Variants in ROBO2 observed in about 807,000 individuals in gnomAD.
ROBO2 encodes roundabout homolog 2.
A neutral mutation model predicts 160.8 loss-of-function variants in ROBO2; 53 were observed. That is an observed-to-expected ratio of 0.33 (90% confidence interval 0.26 to 0.41). The LOEUF is 0.41. Among genes scored for constraint, ROBO2 ranks in the 10% least tolerant of loss-of-function variants. ROBO2 has a pLI of 1.00. For missense variants in ROBO2, 1,577 were observed against 1,722.4 expected (o/e 0.92, Z 1.49); for synonymous variants, 664 against 611.7 (o/e 1.09, Z -1.26).
chr3:75,919,697 A>G (rs941662690), intron 1 of ROBO2, among the ~76,000 whole-genome samples: 5 of 152,172 alleles, frequency 3.3e-5, no homozygotes, highest in African/African-American at 1.2e-4. Flanking sequence ...GCTAGTAATT[A>G]CTGACTCAAT....
intron 2 of ROBO2, among the ~76,000 whole-genome samples, chr3:76,432,273 A>G (rs1294527173): frequency 6.6e-6 from 1 of 152,202 alleles, no homozygotes; most frequent in Admixed American, 6.5e-5. Flanking sequence ...TTAGCATAGA[A>G]TATTTTATTA....
intron 2 of ROBO2, among the ~76,000 whole-genome samples, chr3:76,399,229 AATAAG>A (rs1303489116): frequency 6.6e-6 from 1 of 151,754 alleles, no homozygotes; most frequent in Admixed American, 6.6e-5. Context: ...TTGGGTAGTA[AATAAG>A]ATAAGTAGAG....
At chr3:76,643,572 T>C (rs1211185289) in intron 2 of ROBO2, among the ~76,000 whole-genome samples, 5 of 152,204 alleles carry the variant, frequency 3.3e-5, no homozygotes, top group East Asian at 1.9e-4. Context: ...TTAATGTACA[T>C]TGAAGTCTAA....
intron 2 of ROBO2, among the ~76,000 whole-genome samples, chr3:76,174,868 A>G (rs1031692324): frequency 6.6e-6 from 1 of 152,064 alleles, no homozygotes; most frequent in South Asian, 2.1e-4. Flanking sequence ...TTCCATATAA[A>G]ATTTAAGGTA....
At chr3:76,561,962 G>T (rs1449805993) in intron 2 of ROBO2, among the ~76,000 whole-genome samples, 1 of 152,088 alleles carries the variant, frequency 6.6e-6, no homozygotes, top group Non-Finnish European at 1.5e-5. Context: ...TCATATAGAA[G>T]TCTGCTGGCA....
At chr3:76,319,234 T>C (rs1004444968) in intron 2 of ROBO2, among the ~76,000 whole-genome samples, 5 of 152,014 alleles carry the variant, frequency 3.3e-5, no homozygotes, top group Non-Finnish European at 7.4e-5. Context: ...AAAAATAAAA[T>C]CAAAGTTCCA....
At chr3:77,230,038 G>T (rs1262935279) in intron 2 of ROBO2, among the ~76,000 whole-genome samples, 2 of 152,020 alleles carry the variant, frequency 1.3e-5, no homozygotes, top group African/African-American at 4.8e-5. Context: ...TTTTCTCTTG[G>T]TATTGGGAAG....
chr3:77,436,815 G>A (rs927452941), intron 2 of ROBO2, among the ~76,000 whole-genome samples: 1 of 151,816 alleles, frequency 6.6e-6, no homozygotes, highest in Non-Finnish European at 1.5e-5. Context: ...TATTCAAATA[G>A]GAATAAGGAA....
intron 2 of ROBO2, among the ~76,000 whole-genome samples, chr3:76,254,511 T>C (rs1706234772): frequency 6.6e-6 from 1 of 151,916 alleles, no homozygotes; most frequent in African/African-American, 2.4e-5. Context: ...TCTAGAGGAG[T>C]TACAAAATTA....
chr3:76,868,441 A>G (rs552894331), intron 2 of ROBO2, among the ~76,000 whole-genome samples: 18 of 152,302 alleles, frequency 1.2e-4, no homozygotes, highest in Non-Finnish European at 1.6e-4. Flanking sequence ...ATCAAAACAT[A>G]CTTGTTACGT....
intron 2 of ROBO2, among the ~76,000 whole-genome samples, chr3:76,322,788 A>T (rs2072675290): frequency 6.6e-6 from 1 of 152,176 alleles, no homozygotes; most frequent in South Asian, 2.1e-4. Context: ...TTTATAGTTT[A>T]AATTCTTACA....
intron 2 of ROBO2, among the ~76,000 whole-genome samples, chr3:76,148,024 G>A (rs1471039495): frequency 6.6e-6 from 1 of 152,048 alleles, no homozygotes; most frequent in Non-Finnish European, 1.5e-5. Context: ...AAATACCTAT[G>A]AGGAAGCACG....
chr3:76,722,480 C>G (rs1298838220), intron 2 of ROBO2, among the ~76,000 whole-genome samples: 1 of 152,112 alleles, frequency 6.6e-6, no homozygotes, highest in Non-Finnish European at 1.5e-5. Context: ...TAAAGTCCAC[C>G]AGCTTAAAGT....
chr3:76,377,742 G>T (rs1430555670), intron 2 of ROBO2, among the ~76,000 whole-genome samples: 4 of 152,084 alleles, frequency 2.6e-5, no homozygotes, highest in Non-Finnish European at 5.9e-5. Context: ...CAAACTGCTT[G>T]TGGGTTTTTT....
intron 2 of ROBO2, among the ~76,000 whole-genome samples, chr3:77,292,209 G>C (rs1056380639): frequency 6.6e-6 from 1 of 151,450 alleles, no homozygotes; most frequent in African/African-American, 2.4e-5. Context: ...ATGGTTAAAC[G>C]GGTAAGCTGA....
At chr3:77,543,431 A>G (rs370518446) in intron 6 of ROBO2, among the ~76,000 whole-genome samples, 1 of 152,202 alleles carries the variant, frequency 6.6e-6, no homozygotes, top group Non-Finnish European at 1.5e-5. Flanking sequence ...AAGTGGATGC[A>G]TAGATGCGGT....
At chr3:77,584,019 G>T (rs976985591) in intron 16 of ROBO2, among the ~76,000 whole-genome samples, 1 of 152,148 alleles carries the variant, frequency 6.6e-6, no homozygotes, top group Admixed American at 6.5e-5. Context: ...CGGTGAACAT[G>T]AGCTTAAACC....
At chr3:76,673,647 A>T (rs1248874609) in intron 2 of ROBO2, among the ~76,000 whole-genome samples, 2 of 152,170 alleles carry the variant, frequency 1.3e-5, no homozygotes, top group Non-Finnish European at 1.5e-5. Context: ...TTTCAGATTT[A>T]AAAAAGTTCA....
chr3:77,043,926 A>G (rs1413566448), intron 1 of ROBO2, among the ~76,000 whole-genome samples: 1 of 152,194 alleles, frequency 6.6e-6, no homozygotes, highest in Admixed American at 6.5e-5. Flanking sequence ...GTGCAGATGT[A>G]GAATCTCATA....
Sources: allele counts gnomAD v4.1 joint callset (sites outside exome capture counted in the v4.1 genomes callset), GRCh38; gene constraint gnomAD v4.1.1; transcripts MANE v1.5; gene names NCBI Gene and HGNC (gene_info 2026-07-23, HGNC 2026-07-21).